TENM2: variants seen among roughly 807,000 people sequenced by gnomAD.
TENM2 encodes teneurin-2.
TENM2 carries 52 observed loss-of-function variants against 245.2 expected under a neutral mutation model. The observed-to-expected ratio is 0.21, with a 90% CI of 0.17 to 0.27. TENM2 has a LOEUF of 0.27. Among genes scored for constraint, TENM2 ranks in the 10% least tolerant of loss-of-function variants. The pLI is 1.00. For missense variants in TENM2, 3,046 were observed against 3,666.8 expected, an observed-to-expected ratio of 0.83 and a Z score of 4.37; for synonymous variants, 1,363 against 1,438.9, an observed-to-expected ratio of 0.95 and a Z score of 1.19.
chr5:168,178,492 T>C (rs1759554552), intron 13 of TENM2, among the ~76,000 whole-genome samples: 1 of 151,940 alleles, frequency 6.6e-6, no homozygotes. Context: ...CCCCCAGGTA[T>C]AAAAAACGTG....
intron 4 of TENM2, among the ~76,000 whole-genome samples, chr5:167,980,362 G>T (rs757402460): frequency 6.6e-6 from 1 of 152,190 alleles, no homozygotes. Context: ...CCTTTCTGAG[G>T]AAGTGAGCTT....
chr5:167,101,839 ATATATATATT>A, the TENM2 span, among the ~76,000 whole-genome samples: 32 of 111,634 alleles, frequency 2.9e-4, no homozygotes, highest in African/African-American at 6.1e-4. Flanking sequence ...TGACATTTAT[ATATATATATT>A]TATATATATA....
At chr5:167,409,738 G>C (rs1041472760) in intron 2 of TENM2, among the ~76,000 whole-genome samples, 2 of 151,800 alleles carry the variant, frequency 1.3e-5, no homozygotes, top group African/African-American at 2.4e-5. Flanking sequence ...AAATGTGCTT[G>C]TGCCATTTTT....
At chr5:167,033,894 G>T in the TENM2 span, among the ~76,000 whole-genome samples, 2 of 152,192 alleles carry the variant, frequency 1.3e-5, no homozygotes, top group South Asian at 2.1e-4. Flanking sequence ...TTTAGGGGAG[G>T]TGGAGTATGG....
intron 2 of TENM2, among the ~76,000 whole-genome samples, chr5:167,472,273 G>A (rs1767074893): frequency 6.6e-6 from 1 of 152,044 alleles, no homozygotes; most frequent in African/African-American, 2.4e-5. Context: ...GCTCCCTGAA[G>A]GGTTTTCACC....
At chr5:167,792,929 C>A (rs573785720) in intron 2 of TENM2, among the ~76,000 whole-genome samples, 50 of 152,122 alleles carry the variant, frequency 3.3e-4, no homozygotes, top group Non-Finnish European at 1.2e-4. Flanking sequence ...TCCAATTTGT[C>A]TCGTTCTTCC....
At chr5:167,286,253 G>T (rs1206618605) in intron 1 of TENM2, among the ~76,000 whole-genome samples, 1 of 152,118 alleles carries the variant, frequency 6.6e-6, no homozygotes, top group Non-Finnish European at 1.5e-5. Context: ...TATAACTCTT[G>T]CAGGATACAA....
intron 2 of TENM2, among the ~76,000 whole-genome samples, chr5:167,684,864 A>G (rs930977983): frequency 6.6e-6 from 1 of 152,214 alleles, no homozygotes; most frequent in Non-Finnish European, 1.5e-5. Flanking sequence ...CCACTATATC[A>G]TAGATGAGAG....
intron 1 of TENM2, among the ~76,000 whole-genome samples, chr5:167,364,141 A>G (rs991790430): frequency 6.6e-6 from 1 of 151,410 alleles, no homozygotes; most frequent in Admixed American, 6.6e-5. Flanking sequence ...AGAGTATGGA[A>G]GTGAATAAAT....
the TENM2 span, among the ~76,000 whole-genome samples, chr5:167,069,431 T>C: frequency 6.6e-6 from 1 of 152,230 alleles, no homozygotes; most frequent in African/African-American, 2.4e-5. Flanking sequence ...TTATTTTAAA[T>C]TGCTCATCTG....
At chr5:167,727,730 A>G (rs1311880308) in intron 2 of TENM2, among the ~76,000 whole-genome samples, 1 of 152,218 alleles carries the variant, frequency 6.6e-6, no homozygotes, top group Non-Finnish European at 1.5e-5. Flanking sequence ...AAAGTTATTT[A>G]TTTACTACAG....
chr5:167,778,832 C>A (rs1763987154), intron 2 of TENM2, among the ~76,000 whole-genome samples: 1 of 152,172 alleles, frequency 6.6e-6, no homozygotes, highest in Non-Finnish European at 1.5e-5. Context: ...TGTGTGACTG[C>A]ACAAGATTTA....
chr5:167,125,618 C>T, the TENM2 span, among the ~76,000 whole-genome samples: 1 of 152,182 alleles, frequency 6.6e-6, no homozygotes, highest in African/African-American at 2.4e-5. Flanking sequence ...AATACTTTTG[C>T]TGATATATAT....
intron 2 of TENM2, among the ~76,000 whole-genome samples, chr5:167,802,811 C>A (rs1229511753): frequency 6.6e-6 from 1 of 152,106 alleles, no homozygotes; most frequent in African/African-American, 2.4e-5. Flanking sequence ...AGTGTAGGTG[C>A]ATTGTAGTGC....
At chr5:167,859,392 CCCCCGCCCGGCCAGCCG>C (rs1771461726) in intron 2 of TENM2, among the ~76,000 whole-genome samples, 1 of 146,946 alleles carries the variant, frequency 6.8e-6, no homozygotes, top group South Asian at 2.2e-4. Context: ...GGGGGTCAGC[CCCCCGCCCGGCCAGCCG>C]CCCCGTCCGG....
chr5:167,202,016 A>C, the TENM2 span, among the ~76,000 whole-genome samples: 1 of 152,156 alleles, frequency 6.6e-6, no homozygotes, highest in Non-Finnish European at 1.5e-5. Context: ...GGAAGCACCA[A>C]GAGGTGCCCC....
chr5:167,109,973 A>C, the TENM2 span, among the ~76,000 whole-genome samples: 1 of 152,268 alleles, frequency 6.6e-6, no homozygotes, highest in Non-Finnish European at 1.5e-5. Flanking sequence ...TATTTTCTTG[A>C]GTTTTCAGAG....
the TENM2 span, among the ~76,000 whole-genome samples, chr5:167,257,805 G>T: frequency 6.6e-6 from 1 of 152,096 alleles, no homozygotes; most frequent in Non-Finnish European, 1.5e-5. Context: ...AAATGAAAAA[G>T]AATGTAGTGA....
At chr5:167,135,323 G>A in the TENM2 span, among the ~76,000 whole-genome samples, 251 of 152,246 alleles carry the variant, frequency 1.6e-3, no homozygotes, top group Middle Eastern at 0.058. Context: ...ACATTTTAAA[G>A]CTACTAACAG....
Sources: gnomAD v4.1 joint callset for allele counts (sites outside exome capture counted in the v4.1 genomes callset) on GRCh38, gnomAD v4.1.1 for gene constraint, MANE v1.5 for transcripts, NCBI Gene and HGNC (gene_info 2026-07-23, HGNC 2026-07-21) for gene names.